Variants in ATXN1 observed in about 807,000 individuals in gnomAD.
ATXN1 encodes the protein ataxin 1, also known as ataxin-1.
ATXN1 carries 8 observed loss-of-function variants against 56.4 expected under a neutral mutation model. That is an observed-to-expected ratio of 0.14 (90% CI 0.08 to 0.26). The LOEUF is 0.26. ATXN1 is among the 10% of genes least tolerant of loss of function. The probability of loss-of-function intolerance (pLI) is 1.00; values close to 1 mark genes in which losing one functional copy is unlikely to be tolerated. For synonymous variants in ATXN1, 514 were observed against 494.6 expected, an observed-to-expected ratio of 1.04 and a Z score of -0.52; for missense variants, 987 against 1,106.5, an observed-to-expected ratio of 0.89 and a Z score of 1.53.
chr6:16,318,518 G>C (rs1442354780), intron 7 of ATXN1, among the ~76,000 whole-genome samples: 1 of 152,112 alleles, frequency 6.6e-6, no homozygotes, highest in South Asian at 2.1e-4. Flanking sequence ...AAAGATGAAG[G>C]GGGTAAGCGA....
At chr6:16,717,907 G>A (rs554925354) in intron 2 of ATXN1, among the ~76,000 whole-genome samples, 2 of 152,364 alleles carry the variant, frequency 1.3e-5, no homozygotes, top group East Asian at 3.9e-4. Flanking sequence ...TCACAGAGCT[G>A]TTTAGGATGA....
At chr6:16,656,733 G>A (rs1758210728) in intron 3 of ATXN1, among the ~76,000 whole-genome samples, 1 of 152,138 alleles carries the variant, frequency 6.6e-6, no homozygotes, top group Non-Finnish European at 1.5e-5. Flanking sequence ...ACAGGGATAT[G>A]CTCTGAGAAA....
chr6:16,554,810 C>T (rs1294276024), intron 4 of ATXN1, among the ~76,000 whole-genome samples: 1 of 152,000 alleles, frequency 6.6e-6, no homozygotes, highest in Non-Finnish European at 1.5e-5. Context: ...AGGCTGGTCT[C>T]GAACTCCTGA....
At chr6:16,495,009 T>C (rs1561725513) in intron 5 of ATXN1, among the ~76,000 whole-genome samples, 1 of 152,320 alleles carries the variant, frequency 6.6e-6, no homozygotes, top group Non-Finnish European at 1.5e-5. Flanking sequence ...AGAGTTTTAT[T>C]CATGCCTGCT....
chr6:16,609,671 C>G (rs1763070338), intron 3 of ATXN1, among the ~76,000 whole-genome samples: 1 of 152,190 alleles, frequency 6.6e-6, no homozygotes, highest in Non-Finnish European at 1.5e-5. Flanking sequence ...CCAGGGCGGG[C>G]TAGCCCTCCC....
chr6:16,362,685 C>A (rs984053012), intron 6 of ATXN1, among the ~76,000 whole-genome samples: 3 of 152,182 alleles, frequency 2.0e-5, no homozygotes, highest in African/African-American at 7.2e-5. Flanking sequence ...GTGTTCAGAT[C>A]ATTCTTTGCA....
chr6:16,321,874 T>G (rs1029347483), intron 7 of ATXN1, among the ~76,000 whole-genome samples: 2 of 152,142 alleles, frequency 1.3e-5, no homozygotes, highest in Middle Eastern at 3.2e-3. Flanking sequence ...TTCTGGAAAG[T>G]ATAAAAGTGA....
intron 7 of ATXN1, among the ~76,000 whole-genome samples, chr6:16,319,563 A>C (rs568313914): frequency 2.6e-5 from 4 of 152,372 alleles, no homozygotes; most frequent in Admixed American, 6.5e-5. Flanking sequence ...CATGTACAAC[A>C]CAGAGTGAAC....
intron 5 of ATXN1, among the ~76,000 whole-genome samples, chr6:16,494,306 G>A (rs1760730679): frequency 6.6e-6 from 1 of 152,206 alleles, no homozygotes; most frequent in African/African-American, 2.4e-5. Context: ...ATTTATGGGA[G>A]TTATCCATTG....
chr6:16,712,203 T>A (rs1489886672), intron 2 of ATXN1, among the ~76,000 whole-genome samples: 1 of 152,176 alleles, frequency 6.6e-6, no homozygotes, highest in Non-Finnish European at 1.5e-5. Flanking sequence ...TTTCACTGTA[T>A]GTTCTCCCTA....
At chr6:16,446,241 T>C (rs895674056) in intron 6 of ATXN1, among the ~76,000 whole-genome samples, 17 of 152,190 alleles carry the variant, frequency 1.1e-4, no homozygotes, top group Admixed American at 3.3e-4. Context: ...TGGTATCTCA[T>C]TGTGGTTTTG....
At chr6:16,475,902 C>T (rs957910223) in intron 6 of ATXN1, among the ~76,000 whole-genome samples, 6 of 150,496 alleles carry the variant, frequency 4.0e-5, no homozygotes, top group Non-Finnish European at 5.9e-5. Flanking sequence ...TGGAGTCTCA[C>T]TCTGTTACCC....
intron 2 of ATXN1, among the ~76,000 whole-genome samples, chr6:16,688,280 T>A (rs1048931970): frequency 6.6e-6 from 1 of 152,216 alleles, no homozygotes; most frequent in Non-Finnish European, 1.5e-5. Context: ...GCGATATCTG[T>A]CTCTTGGGGT....
intron 4 of ATXN1, among the ~76,000 whole-genome samples, chr6:16,559,786 A>T (rs1260688957): frequency 6.6e-6 from 1 of 152,194 alleles, no homozygotes; most frequent in Non-Finnish European, 1.5e-5. Context: ...CATACCAAGG[A>T]CACTGAAATA....
intron 3 of ATXN1, among the ~76,000 whole-genome samples, chr6:16,628,903 T>C (rs1382823941): frequency 1.3e-5 from 2 of 152,250 alleles, no homozygotes; most frequent in Admixed American, 1.3e-4. Context: ...TCTTTGCTAC[T>C]GTGAATAGTG....
At chr6:16,312,902 G>C (rs889028953) in intron 7 of ATXN1, among the ~76,000 whole-genome samples, 4 of 152,042 alleles carry the variant, frequency 2.6e-5, no homozygotes, top group African/African-American at 9.7e-5. Flanking sequence ...TATTTCTTGA[G>C]ATGGATTCTC....
intron 6 of ATXN1, among the ~76,000 whole-genome samples, chr6:16,446,641 G>C (rs530853073): frequency 3.9e-5 from 6 of 152,156 alleles, no homozygotes; most frequent in East Asian, 3.9e-4. Flanking sequence ...TTTTTCAAAG[G>C]GTTTAACAGT....
chr6:16,544,018 T>C (rs1031348846), intron 4 of ATXN1, among the ~76,000 whole-genome samples: 2 of 152,158 alleles, frequency 1.3e-5, no homozygotes, highest in African/African-American at 4.8e-5. Flanking sequence ...AACATCAGGG[T>C]ATTGGACCAT....
intron 6 of ATXN1, among the ~76,000 whole-genome samples, chr6:16,480,837 G>T (rs994151656): frequency 6.6e-6 from 1 of 152,138 alleles, no homozygotes; most frequent in Non-Finnish European, 1.5e-5. Context: ...GAGAGGAGGA[G>T]CTGAGTACTT....
Sources: allele counts gnomAD v4.1 joint callset (sites outside exome capture counted in the v4.1 genomes callset), GRCh38; gene constraint gnomAD v4.1.1; transcripts MANE v1.5; gene names NCBI Gene and HGNC (gene_info 2026-07-23, HGNC 2026-07-21).